Variants in ADAMTS16 observed in about 807,000 individuals in gnomAD.
ADAMTS16 encodes A disintegrin and metalloproteinase with thrombospondin motifs 16.
A neutral mutation model predicts 145.8 loss-of-function variants in ADAMTS16; 94 were observed. The observed-to-expected ratio is 0.64, with a 90% CI of 0.55 to 0.77. ADAMTS16 has a LOEUF of 0.77. ADAMTS16 is among the 30% of genes least tolerant of loss of function. The pLI is 0.00. For missense variants in ADAMTS16, 1,585 were observed against 1,591.5 expected, an observed-to-expected ratio of 1.00 and a Z score of 0.07; for synonymous variants, 659 against 604.3, an observed-to-expected ratio of 1.09 and a Z score of -1.33.
chr5:5,213,806 T>C (rs1057377432), intron 10 of ADAMTS16, among the ~76,000 whole-genome samples: 3 of 152,176 alleles, frequency 2.0e-5, no homozygotes, highest in South Asian at 2.1e-4. Context: ...GAAGCCCTCA[T>C]CAGCTTTCAG....
At chr5:5,151,819 CA>C (rs1254762131) in intron 3 of ADAMTS16, among the ~76,000 whole-genome samples, 6 of 151,790 alleles carry the variant, frequency 4.0e-5, no homozygotes, top group South Asian at 4.2e-4. Flanking sequence ...TCCTGCTGTA[CA>C]TTAGGTCTTT....
chr5:5,170,251 A>T (rs1411404296), intron 3 of ADAMTS16, among the ~76,000 whole-genome samples: 1 of 152,178 alleles, frequency 6.6e-6, no homozygotes, highest in African/African-American at 2.4e-5. Flanking sequence ...TACTGAAGTG[A>T]GATAATATCA....
chr5:5,156,813 C>T (rs1734615581), intron 3 of ADAMTS16, among the ~76,000 whole-genome samples: 1 of 152,156 alleles, frequency 6.6e-6, no homozygotes, highest in African/African-American at 2.4e-5. Flanking sequence ...TAGGGTATAT[C>T]TTCTAGAGGC....
chr5:5,287,136 A>G (rs960072483), intron 18 of ADAMTS16, among the ~76,000 whole-genome samples: 1 of 152,148 alleles, frequency 6.6e-6, no homozygotes, highest in African/African-American at 2.4e-5. Flanking sequence ...CACAGTGTGA[A>G]GTCCTTCCTG....
At chr5:5,282,766 T>C (rs969537423) in intron 18 of ADAMTS16, among the ~76,000 whole-genome samples, 1 of 152,190 alleles carries the variant, frequency 6.6e-6, no homozygotes, top group Non-Finnish European at 1.5e-5. Context: ...TATTATTAGA[T>C]AAATTTAGGC....
chr5:5,253,994 C>G (rs184007289), intron 17 of ADAMTS16, among the ~76,000 whole-genome samples: 5 of 152,192 alleles, frequency 3.3e-5, no homozygotes, highest in African/African-American at 1.2e-4. Flanking sequence ...GAATCTCTGC[C>G]TCTATCTCTG....
At chr5:5,309,634 C>T (rs1740334942) in intron 21 of ADAMTS16, among the ~76,000 whole-genome samples, 1 of 152,226 alleles carries the variant, frequency 6.6e-6, no homozygotes, top group Non-Finnish European at 1.5e-5. Flanking sequence ...TGCGTGGATA[C>T]TGTGCATCTG....
chr5:5,200,369 T>C (rs1735923430), intron 9 of ADAMTS16, 100 bp downstream of exon 9: 2 of 1,474,918 alleles, frequency 1.4e-6, no homozygotes, highest in Non-Finnish European at 1.8e-6. Context: ...CTGTGCTTCC[T>C]GATGTGGTTC....
chr5:5,209,069 T>C, intron 9 of ADAMTS16, 24 bp from the exon 10 acceptor site: 1 of 1,606,366 alleles, frequency 6.2e-7, no homozygotes, highest in Non-Finnish European at 8.5e-7. Context: ...CAGTTACTAG[T>C]AGCTCATCTC....
intron 18 of ADAMTS16, among the ~76,000 whole-genome samples, chr5:5,295,884 T>C (rs1415982361): frequency 1.3e-5 from 2 of 152,240 alleles, no homozygotes; most frequent in Admixed American, 1.3e-4. Flanking sequence ...AGAAGAATGT[T>C]TGTAACCTGA....
intron 9 of ADAMTS16, among the ~76,000 whole-genome samples, chr5:5,206,717 A>G (rs1324414356): frequency 5.3e-5 from 8 of 151,934 alleles, no homozygotes; most frequent in African/African-American, 1.9e-4. Flanking sequence ...CCCGACCTCA[A>G]CTGATCCACC....
At chr5:5,268,341 C>T (rs1347724378) in intron 18 of ADAMTS16, among the ~76,000 whole-genome samples, 1 of 152,176 alleles carries the variant, frequency 6.6e-6, no homozygotes, top group Non-Finnish European at 1.5e-5. Context: ...CTGGGAGGAC[C>T]CCAAGATAGG....
chr5:5,161,586 G>C (rs1051064457), intron 3 of ADAMTS16, among the ~76,000 whole-genome samples: 2 of 152,188 alleles, frequency 1.3e-5, no homozygotes, highest in Non-Finnish European at 2.9e-5. Context: ...ACCATGTGTG[G>C]TTGGATGCTG....
chr5:5,159,046 C>T lies in ADAMTS16; in HGVS notation c.501+12591C>T, dbSNP rs190852625. On this transcript the variant is annotated intron_variant, in intron 3 of 22. Transcript: ENST00000274181. ...AATCAGAAACATGCTCAACATTTACCTTGTTTGGTTAGTTAAGATAAACCA... is the reference window on the plus strand; with the variant it reads ...AATCAGAAACATGCTCAACATTTACTTTGTTTGGTTAGTTAAGATAAACCA... Among the ~76,000 whole-genome samples the T allele has an allele frequency of 4.6e-5, 7 of 152,320 alleles. No individual in the cohort carries two copies. The East Asian group carries it at 1.2e-3, about 25-fold the overall frequency.
intron 1 of ADAMTS16, 21 bp downstream of exon 1, chr5:5,140,560 C>T (rs1449626653): frequency 2.7e-6 from 4 of 1,502,564 alleles, no homozygotes; most frequent in Non-Finnish European, 3.5e-6. Context: ...GGCGCTCCCA[C>T]CAGCGCGGAA....
In ADAMTS16 at chr5:5,200,680, T is replaced by A. The variant is rs556980041; in HGVS notation, c.1451+411T>A. Among the ~76,000 whole-genome samples the A allele has an allele frequency of 2.3e-3, 354 of 152,318 alleles. 3 individuals carry two copies. Among genetic ancestry groups the A allele is most frequent in the African/African-American group, 8.2e-3 (343 of 41,598 alleles). On this transcript the variant is annotated intron_variant, in intron 9 of 22. Coordinates refer to ENST00000274181, the MANE Select transcript of ADAMTS16 (RefSeq NM_139056.4). ...TTTTCTTCTTTCTCTTTATTTTTTC[T>A]TTCTTTTCCTTCCTTCCTTTTCTTT... is the stretch of plus-strand genomic sequence containing the variant.
At chr5:5,233,959 A>G (rs542094041) in intron 12 of ADAMTS16, among the ~76,000 whole-genome samples, 19 of 152,362 alleles carry the variant, frequency 1.2e-4, no homozygotes, top group African/African-American at 4.6e-4. Context: ...CACTCCTACC[A>G]AAGTGTATAA....
At chr5:5,215,879 T>TAA (rs1339899314) in intron 10 of ADAMTS16, among the ~76,000 whole-genome samples, 1 of 59,976 alleles carries the variant, frequency 1.7e-5, no homozygotes, top group African/African-American at 4.5e-5. Context: ...TGTATATATA[T>TAA]ATATATATAT....
At position 5,318,195 on chromosome 5, in the gene ADAMTS16, G is replaced by C. The variant is rs746561406; in HGVS notation, c.3473G>C (p.Arg1158Pro). The change falls in exon 22 of 23, where the codon CGG becomes CCG. Residue 1158 changes from arginine to proline, a missense_variant. Physicochemically the swap from Arg to Pro is moderately radical, Grantham distance 103. Coordinates refer to ENST00000274181, the MANE Select transcript of ADAMTS16 (RefSeq NM_139056.4). ...TRSVQCLAGG[R>P]PASGCLLHQK... ...TCCGTGCAGTGCCTGGCTGGGGGCC[G>C]GCCGGCCTCAGGCTGCCTCCTGCAC... The C allele has an allele frequency of 1.2e-5, 18 of 1,562,670 alleles. No homozygotes were observed. In the East Asian group the frequency reaches 2.6e-4, roughly 22 times the overall value.
Sources: allele counts gnomAD v4.1 joint callset (sites outside exome capture counted in the v4.1 genomes callset), GRCh38; gene constraint gnomAD v4.1.1; transcripts MANE v1.5; gene names NCBI Gene and HGNC (gene_info 2026-07-23, HGNC 2026-07-21).